CDH6: variants seen among roughly 807,000 people sequenced by gnomAD.
CDH6 encodes cadherin-6.
Under a neutral mutation model 78.0 loss-of-function variants are expected in CDH6, and 31 were observed. The ratio of observed to expected loss-of-function variants is 0.40; its 90% CI spans 0.30 to 0.54. CDH6 has a LOEUF of 0.54. Ranked by LOEUF, CDH6 falls within the 20% of genes least tolerant of loss-of-function variation. The pLI, the probability that CDH6 is intolerant of heterozygous loss-of-function variation, is 0.56. For synonymous variants in CDH6, 376 were observed against 368.8 expected (o/e 1.02, Z -0.23); for missense variants, 724 against 975.9 (o/e 0.74, Z 3.44).
chr5:31,241,121 G>A (rs1267045116), intron 1 of CDH6, among the ~76,000 whole-genome samples: 12 of 152,206 alleles, frequency 7.9e-5, no homozygotes, highest in African/African-American at 2.7e-4. Context: ...GGTACAGAGA[G>A]GAGAAAATGG....
chr5:31,198,604 T>C (rs964779773), intron 1 of CDH6, among the ~76,000 whole-genome samples: 11 of 152,090 alleles, frequency 7.2e-5, no homozygotes, highest in Non-Finnish European at 1.6e-4. Flanking sequence ...AGAGACCTAA[T>C]AAGTTATAGG....
intron 3 of CDH6, among the ~76,000 whole-genome samples, chr5:31,295,119 T>C (rs1737548755): frequency 6.6e-6 from 1 of 152,186 alleles, no homozygotes; most frequent in Admixed American, 6.5e-5. Context: ...ACATAGAAAA[T>C]AACAAATCCA....
chr5:31,238,839 C>T (rs1407327259), intron 1 of CDH6, among the ~76,000 whole-genome samples: 1 of 152,206 alleles, frequency 6.6e-6, no homozygotes, highest in Admixed American at 6.5e-5. Flanking sequence ...TGTATGTCAG[C>T]TTTTTCCTAA....
chr5:31,271,435 T>G (rs1742528128), intron 2 of CDH6, among the ~76,000 whole-genome samples: 1 of 152,166 alleles, frequency 6.6e-6, no homozygotes, highest in Non-Finnish European at 1.5e-5. Flanking sequence ...AGCCTTCCAC[T>G]GCGTTCTGTT....
At chr5:31,313,536 C>A in intron 8 of CDH6, 82 bp downstream of exon 8, 1 of 1,320,352 alleles carries the variant, frequency 7.6e-7, no homozygotes, top group Non-Finnish European at 1.1e-6. Context: ...TAGCTTGTCA[C>A]CATGTATTGA....
At chr5:31,235,413 G>A (rs891504561) in intron 1 of CDH6, among the ~76,000 whole-genome samples, 8 of 151,652 alleles carry the variant, frequency 5.3e-5, no homozygotes, top group Non-Finnish European at 4.4e-5. Context: ...TTTCAAACTC[G>A]ACAGTTATAT....
chr5:31,288,913 T>C (rs1743079503), intron 2 of CDH6, among the ~76,000 whole-genome samples: 1 of 152,262 alleles, frequency 6.6e-6, no homozygotes, highest in Non-Finnish European at 1.5e-5. Context: ...GGTACTTTTC[T>C]ATGTGTGTCA....
intron 1 of CDH6, among the ~76,000 whole-genome samples, chr5:31,209,193 C>CTAG (rs1451722742): frequency 6.6e-6 from 1 of 152,086 alleles, no homozygotes; most frequent in Non-Finnish European, 1.5e-5. Flanking sequence ...ATTTCCTAGA[C>CTAG]TAGAGTAGGT....
intron 2 of CDH6, among the ~76,000 whole-genome samples, chr5:31,287,109 G>A (rs1444933405): frequency 3.3e-5 from 5 of 152,076 alleles, no homozygotes; most frequent in Non-Finnish European, 7.4e-5. Flanking sequence ...TTCTTCCCTG[G>A]GGTAACAGAT....
intron 3 of CDH6, among the ~76,000 whole-genome samples, chr5:31,295,216 T>C (rs969048674): frequency 3.3e-5 from 5 of 152,284 alleles, no homozygotes; most frequent in African/African-American, 1.2e-4. Context: ...GTTACAAAAA[T>C]TGCAAGCCTC....
rs1244594530 is a variant in CDH6, at chr5:31,193,750, T to G, written c.-265T>G. 1.3e-5 allele frequency: 2 copies of G among 152,968 alleles called. No individual in the cohort carries two copies. Among genetic ancestry groups the G allele is most frequent in the Non-Finnish European group, 2.9e-5 (2 of 68,326 alleles). The allele number at this position is 152,968 out of a possible 1,614,324, so 9.5% of individuals were successfully genotyped here. A position where few individuals can be genotyped will look rare whatever the true frequency, so the allele number is the denominator to read the frequency against. The stretch of plus-strand genomic sequence containing the variant: ...AGCCAGCTCTCCCGAGCCCGTAACC[T>G]TCGCATCCCAAGAGCTGCAGTTTCA... On this transcript the variant is annotated 5_prime_UTR_variant, in exon 1 of 12. Coordinates refer to ENST00000265071, the MANE Select transcript of CDH6 (RefSeq NM_004932.4).
intron 7 of CDH6, among the ~76,000 whole-genome samples, chr5:31,312,744 C>T (rs1248137530): frequency 6.6e-6 from 1 of 152,024 alleles, no homozygotes; most frequent in Non-Finnish European, 1.5e-5. Context: ...ATTCGCATTG[C>T]ATCTAGAATA....
chr5:31,251,913 TA>T (rs548745838), intron 1 of CDH6: 1 of 152,186 alleles, frequency 6.6e-6, no homozygotes, highest in South Asian at 2.1e-4. Context: ...CAGAAGTTTA[TA>T]AAAAATTCCA....
intron 2 of CDH6, among the ~76,000 whole-genome samples, chr5:31,279,965 AGT>A (rs1561055430): frequency 6.6e-6 from 1 of 152,200 alleles, no homozygotes; most frequent in Non-Finnish European, 1.5e-5. Flanking sequence ...AGGAAAATAG[AGT>A]CTTCAAGTCA....
chr5:31,315,364 C>T (rs1738289090), intron 8 of CDH6, among the ~76,000 whole-genome samples: 1 of 152,122 alleles, frequency 6.6e-6, no homozygotes, highest in Admixed American at 6.5e-5. Flanking sequence ...TAGATGCTCA[C>T]TAAATAATTA....
chr5:31,275,744 T>A (rs1414177296), intron 2 of CDH6, among the ~76,000 whole-genome samples: 1 of 152,150 alleles, frequency 6.6e-6, no homozygotes, highest in Non-Finnish European at 1.5e-5. Flanking sequence ...AATCAGATAA[T>A]AAATTCCTGA....
chr5:31,217,201 G>T (rs894075224), intron 1 of CDH6, among the ~76,000 whole-genome samples: 5 of 152,060 alleles, frequency 3.3e-5, no homozygotes, highest in Non-Finnish European at 7.4e-5. Context: ...CATAAATTTA[G>T]ATCCGTTTTA....
In CDH6 at chr5:31,299,575, C is replaced by T; in HGVS notation, c.755C>T (p.Thr252Ile). 1 of 1,613,938 alleles carries T rather than the reference C, an allele frequency of 6.2e-7. No individual in the cohort carries two copies. Among genetic ancestry groups the T allele is most frequent in the Non-Finnish European group, 8.5e-7 (1 of 1,179,872 alleles). ...CAGATGGGAGGATTATCTGGGACCA[C>T]CACCGTGAACATCACACTGACTGAT... ...GGQMGGLSGT[T>I]TVNITLTDVN... is the part of the protein sequence containing the mutation. The change falls in exon 5 of 12, where the codon ACC becomes ATC. Residue 252 changes from threonine (T) to isoleucine (I), a missense_variant. By Grantham distance (89) the Thr-to-Ile change is moderately conservative (BLOSUM62 -1). Coordinates refer to ENST00000265071, the MANE Select transcript of CDH6 (RefSeq NM_004932.4).
At chr5:31,299,296 G>T (rs1737692136) in intron 4 of CDH6, among the ~76,000 whole-genome samples, 168 bp from the exon 5 acceptor site, 1 of 151,862 alleles carries the variant, frequency 6.6e-6, no homozygotes, top group Non-Finnish European at 1.5e-5. Context: ...CTGTGTGGTT[G>T]TAATATCCTT....
Sources: gnomAD v4.1 joint callset for allele counts (sites outside exome capture counted in the v4.1 genomes callset) on GRCh38, gnomAD v4.1.1 for gene constraint, MANE v1.5 for transcripts, NCBI Gene and HGNC (gene_info 2026-07-23, HGNC 2026-07-21) for gene names.